Variants in ARHGEF10 observed in about 807,000 individuals in gnomAD.
The protein encoded by ARHGEF10 is Rho guanine nucleotide exchange factor (GEF) 10.
A neutral mutation model predicts 147.4 loss-of-function variants in ARHGEF10; 140 were observed. That is an observed-to-expected ratio of 0.95 (90% CI 0.83 to 1.09). ARHGEF10 has a LOEUF of 1.09. ARHGEF10 is among the 50% of genes least tolerant of loss of function. ARHGEF10 has a pLI of 0.00. For missense variants in ARHGEF10, 2,222 were observed against 1,752.7 expected, an observed-to-expected ratio of 1.27 and a Z score of -4.78; for synonymous variants, 902 against 695.8, an observed-to-expected ratio of 1.30 and a Z score of -4.67.
chr8:1,953,855 G>A (rs1206582361), intron 28 of ARHGEF10, among the ~76,000 whole-genome samples: 1 of 152,148 alleles, frequency 6.6e-6, no homozygotes, highest in African/African-American at 2.4e-5. Flanking sequence ...TACTAACAGA[G>A]AAAACGCTTT....
Position 1,896,456 on chromosome 8 carries a change from G to A in ARHGEF10, c.1557+7G>A, listed in dbSNP as rs563218170. 122 of 1,599,270 alleles carry A rather than the reference G, an allele frequency of 7.6e-5. No individual in the cohort carries two copies. The highest frequency in any genetic ancestry group is 9.4e-5 in the Non-Finnish European group (110 of 1,168,780). On this transcript the variant is annotated splice_region_variant and intron_variant, in intron 14 of 28. Coordinates refer to ENST00000349830, the MANE Select transcript of ARHGEF10 (RefSeq NM_014629.4). Reference sequence around the variant, plus strand: ...TTTTCTTGAATTTTTAAAGGTAAGCGCTTTTTTTTTTCATTTGGGTTTTAA... The same window carrying A: ...TTTTCTTGAATTTTTAAAGGTAAGCACTTTTTTTTTTCATTTGGGTTTTAA...
intron 17 of ARHGEF10, among the ~76,000 whole-genome samples, chr8:1,907,530 C>T (rs1810997459): frequency 6.6e-6 from 1 of 152,222 alleles, no homozygotes; most frequent in African/African-American, 2.4e-5. Context: ...CTGACTGCTG[C>T]TCCAGAACCC....
chr8:1,843,441 C>A lies in ARHGEF10; in HGVS notation c.37+5C>A, dbSNP rs1156333922. On this transcript the variant is annotated splice_donor_5th_base_variant and intron_variant, in intron 2 of 28. Coordinates refer to ENST00000349830, the MANE Select transcript of ARHGEF10 (RefSeq NM_014629.4). ...CCCTGCCTCCCGCTCCTGCAGGTAA[C>A]AGCACTCAGTAGGTGGGCCTGTGGG... The A allele has an allele frequency of 6.2e-7, 1 of 1,611,522 alleles. No homozygotes were observed.
At chr8:1,930,109 C>G (rs1813005914) in intron 25 of ARHGEF10, among the ~76,000 whole-genome samples, 1 of 152,038 alleles carries the variant, frequency 6.6e-6, no homozygotes, top group Admixed American at 6.5e-5. Flanking sequence ...TTGGTGCTGG[C>G]TGAGGCTGCT....
chr8:1,919,615 CTG>C (rs1329133989), intron 18 of ARHGEF10, among the ~76,000 whole-genome samples: 1 of 144,702 alleles, frequency 6.9e-6, no homozygotes, highest in South Asian at 2.2e-4. Flanking sequence ...ATAAACTGTT[CTG>C]TCAAGTGACA....
At position 1,893,649 on chromosome 8, in the gene ARHGEF10, A is replaced by G; in HGVS notation, c.1260+3A>G. ...ATGCTCTTAAGAGGATTTTGGAGGTACTTAAGTGTCGTGTTACATAATACA... is the reference window on the plus strand; with the variant it reads ...ATGCTCTTAAGAGGATTTTGGAGGTGCTTAAGTGTCGTGTTACATAATACA... On this transcript the variant is annotated splice_donor_region_variant and intron_variant, in intron 12 of 28. Transcript: ENST00000349830. 1 of 1,603,830 alleles carries G rather than the reference A, an allele frequency of 6.2e-7. No homozygotes were observed. The highest frequency in any genetic ancestry group is 1.7e-4 in the Middle Eastern group (1 of 6,024).
chr8:1,947,840 C>T (rs1814721057), intron 27 of ARHGEF10, among the ~76,000 whole-genome samples: 1 of 147,416 alleles, frequency 6.8e-6, no homozygotes, highest in Admixed American at 7.0e-5. Flanking sequence ...ATGGCAGGTT[C>T]TTGATGCTTT....
intron 22 of ARHGEF10, 41 bp from the exon 23 acceptor site, chr8:1,926,336 C>T (rs775633761): frequency 4.5e-6 from 7 of 1,538,826 alleles, no homozygotes; most frequent in Middle Eastern, 1.7e-4. Flanking sequence ...AGCCTCTTAG[C>T]TCTGTTTTAT....
At chr8:1,834,491 C>G (rs1659512519) in intron 1 of ARHGEF10, among the ~76,000 whole-genome samples, 1 of 152,126 alleles carries the variant, frequency 6.6e-6, no homozygotes, top group African/African-American at 2.4e-5. Context: ...CAGCTGCGCT[C>G]TGAGGCCAAA....
At chr8:1,938,057 T>C (rs574234827) in intron 26 of ARHGEF10, among the ~76,000 whole-genome samples, 20 of 152,258 alleles carry the variant, frequency 1.3e-4, no homozygotes, top group African/African-American at 4.6e-4. Context: ...CACCCACCTG[T>C]CTGTCAGGGC....
chr8:1,872,203 A>C (rs12155817), intron 7 of ARHGEF10, among the ~76,000 whole-genome samples: 43,157 of 152,058 alleles, frequency 0.28, 6,563 homozygotes, highest in East Asian at 0.39. Context: ...ATTGCCTTGA[A>C]GAATCAACTA....
At chr8:1,876,090 G>A (rs1807673477) in intron 7 of ARHGEF10, 1 of 176,710 alleles carries the variant, frequency 5.7e-6, no homozygotes, top group African/African-American at 2.4e-5. Flanking sequence ...TGCTAGTGCT[G>A]GTACTTGAAT....
At chr8:1,862,346 G>T (rs1394499535) in intron 4 of ARHGEF10, among the ~76,000 whole-genome samples, 1 of 152,254 alleles carries the variant, frequency 6.6e-6, no homozygotes, top group African/African-American at 2.4e-5. Context: ...GGCCAAACTG[G>T]GATGACCAGA....
intron 1 of ARHGEF10, among the ~76,000 whole-genome samples, chr8:1,837,349 G>A (rs138001101): frequency 3.9e-5 from 6 of 152,364 alleles, no homozygotes; most frequent in East Asian, 1.9e-4. Context: ...TGGGTGAAGT[G>A]TGAGCTGTCA....
intron 28 of ARHGEF10, 38 bp downstream of exon 28, chr8:1,952,865 C>T: frequency 6.2e-7 from 1 of 1,613,324 alleles, no homozygotes; most frequent in South Asian, 1.1e-5. Context: ...TGCATCCTGT[C>T]TTGCAGGCTC....
At chr8:1,944,590 C>T (rs938028416) in intron 26 of ARHGEF10, among the ~76,000 whole-genome samples, 5 of 152,212 alleles carry the variant, frequency 3.3e-5, no homozygotes, top group East Asian at 1.9e-4. Context: ...TGGGACAACT[C>T]GTAGGGCCAA....
chr8:1,888,193 C>T lies in ARHGEF10; in HGVS notation c.1182+2486C>T, dbSNP rs73671026. On this transcript the variant is annotated intron_variant, in intron 11 of 28. Coordinates refer to ENST00000349830, the MANE Select transcript of ARHGEF10 (RefSeq NM_014629.4). The stretch of plus-strand genomic sequence containing the variant: ...AGACAGTGAGTGGGGTGAGGGTTTG[C>T]GAGGAGACACTTAGTGGGGCGAGGG... 5.6e-3 allele frequency among the ~76,000 whole-genome samples: 162 copies of T among 28,798 alleles called. 4 individuals are homozygous for T. Among genetic ancestry groups the T allele is most frequent in the African/African-American group, 0.032 (123 of 3,820 alleles). The allele number at this position is 28,798 out of a possible 152,430, so 18.9% of individuals were successfully genotyped here.
rs1286811970 is a variant in ARHGEF10 at position 1,903,460 on chromosome 8, A to T, written c.1821+9A>T. 1 of 1,613,838 alleles carries T rather than the reference A, an allele frequency of 6.2e-7. No homozygotes were observed. On this transcript the variant is annotated intron_variant, in intron 16 of 28. Transcript: ENST00000349830. Reference sequence around the variant, plus strand: ...AAAGATACCTGAACAAGGTTGAGAGAGGTTTTCTTCAACTCTATTCCAAAA... The same window carrying T: ...AAAGATACCTGAACAAGGTTGAGAGTGGTTTTCTTCAACTCTATTCCAAAA...
At position 1,937,898 on chromosome 8, in the gene ARHGEF10, TGGAGTGACTGTGCCAGTGGA is replaced by T. The variant is rs571570041; in HGVS notation, c.3222+3962_3222+3981del. 1.7e-3 allele frequency among the ~76,000 whole-genome samples: 259 copies of T among 152,316 alleles called. 3 individuals carry two copies. Among genetic ancestry groups the T allele is most frequent in the African/African-American group, 5.7e-3 (237 of 41,570 alleles). On this transcript the variant is annotated intron_variant, in intron 26 of 28. Coordinates refer to ENST00000349830, the MANE Select transcript of ARHGEF10 (RefSeq NM_014629.4). The surrounding 1 kb of genome is among the most constrained non-coding windows in gnomAD (Gnocchi z 4.9). ...TGAGGCTCTGAGGCTTCGGTGTTCC[TGGAGTGACTGTGCCAGTGGA>T]GGAGTCAGCATACCGGTGGGGGTGG...
Sources: allele counts gnomAD v4.1 joint callset (sites outside exome capture counted in the v4.1 genomes callset), GRCh38; gene constraint gnomAD v4.1.1; non-coding constraint Gnocchi (gnomAD v3.1); transcripts MANE v1.5; gene names NCBI Gene and HGNC (gene_info 2026-07-23, HGNC 2026-07-21).